ZNF407: variants seen among roughly 807,000 people sequenced by gnomAD.
ZNF407 encodes zinc finger protein 407.
A neutral mutation model predicts 131.2 loss-of-function variants in ZNF407; 17 were observed. That is an observed-to-expected ratio of 0.13 (90% confidence interval 0.09 to 0.19). The LOEUF (loss-of-function observed/expected upper bound fraction) is 0.19, where lower values mean the gene tolerates loss of function less well. Ranked by LOEUF, ZNF407 falls within the 10% of genes least tolerant of loss-of-function variation. The pLI is 1.00. For missense variants in ZNF407, 2,681 were observed against 2,830.6 expected (o/e 0.95, Z 1.20); for synonymous variants, 1,156 against 1,062.0 (o/e 1.09, Z -1.72).
chr18:74,761,301 A>G (rs2144973597), intron 3 of ZNF407, among the ~76,000 whole-genome samples: 1 of 152,166 alleles, frequency 6.6e-6, no homozygotes, highest in African/African-American at 2.4e-5. Context: ...AGACATTTTT[A>G]TATTTTGTGT....
intron 7 of ZNF407, among the ~76,000 whole-genome samples, chr18:74,919,594 A>G (rs1474981375): frequency 6.6e-6 from 1 of 152,172 alleles, no homozygotes; most frequent in African/African-American, 2.4e-5. Context: ...TGAGGCCAGC[A>G]TGGTTTGTTT....
rs1984428736 is a variant in ZNF407 at position 74,635,668 on chromosome 18, A to G, written c.4649A>G (p.Asn1550Ser). The G allele has an allele frequency of 6.2e-7, 1 of 1,604,828 alleles. No individual in the cohort carries two copies. Among genetic ancestry groups the G allele is most frequent in the Non-Finnish European group, 8.5e-7 (1 of 1,174,762 alleles). The change falls in exon 2 of 9, where the codon AAC becomes AGC. Residue 1550 changes from asparagine to serine, a missense_variant. Asn to Ser is a conservative substitution (Grantham distance 46, BLOSUM62 1). Transcript: ENST00000299687. The surrounding 1 kb of genome is among the most constrained non-coding windows in gnomAD (Gnocchi z 4.7). ...TGTGGGAAGATGTGTCGAAGCAGCA[A>G]CTCGATGGCCTTCCTGGCACACATT... Reference protein sequence around the residue: ...KYCGKMCRSSNSMAFLAHIRT... With the variant: ...KYCGKMCRSSSSMAFLAHIRT...
At chr18:74,624,755 G>A (rs567795642) in intron 1 of ZNF407, among the ~76,000 whole-genome samples, 5 of 152,314 alleles carry the variant, frequency 3.3e-5, no homozygotes, top group South Asian at 2.1e-4. Flanking sequence ...GCTTTCTTAC[G>A]TGCTCGTGGT....
chr18:74,767,316 C>G (rs889836411), intron 3 of ZNF407, among the ~76,000 whole-genome samples: 1 of 152,168 alleles, frequency 6.6e-6, no homozygotes, highest in African/African-American at 2.4e-5. Context: ...CGTAATTCTT[C>G]TTAATTGATA....
chr18:74,808,348 C>T (rs1158377468), intron 4 of ZNF407, among the ~76,000 whole-genome samples: 1 of 152,058 alleles, frequency 6.6e-6, no homozygotes, highest in Non-Finnish European at 1.5e-5. Flanking sequence ...AGTATCTTTG[C>T]TCATAAAGCT....
intron 4 of ZNF407, among the ~76,000 whole-genome samples, chr18:74,876,565 AT>A (rs927438181): frequency 5.9e-5 from 9 of 151,474 alleles, no homozygotes; most frequent in East Asian, 1.9e-4. Flanking sequence ...TATTTTCAGT[AT>A]TTTTTTTTCA....
chr18:74,877,545 G>A (rs889380253), intron 5 of ZNF407, among the ~76,000 whole-genome samples, 182 bp downstream of exon 5: 1 of 152,162 alleles, frequency 6.6e-6, no homozygotes, highest in Non-Finnish European at 1.5e-5. Flanking sequence ...CAGTGAGAAG[G>A]CAATTTTAAA....
Position 74,830,805 on chromosome 18 carries a change from A to G in ZNF407, c.4878-46392A>G, listed in dbSNP as rs545164013. Among the ~76,000 whole-genome samples, 41 of 152,272 alleles carry G rather than the reference A, an allele frequency of 2.7e-4. No homozygotes were observed. The South Asian group carries it at 5.4e-3, about 20-fold the overall frequency. On this transcript the variant is annotated intron_variant, in intron 4 of 8. Transcript: ENST00000299687. ...CTTCCTTGTAGCTATTTGAAACTGT[A>G]TAATATATTATTGTTAAATGTAGTC...
intron 4 of ZNF407, among the ~76,000 whole-genome samples, chr18:74,871,849 TAC>T (rs1254666423): frequency 6.7e-6 from 1 of 149,984 alleles, no homozygotes; most frequent in Non-Finnish European, 1.5e-5. Flanking sequence ...TCATATTTAT[TAC>T]AGATTTCTTT....
intron 3 of ZNF407, among the ~76,000 whole-genome samples, chr18:74,756,269 T>C (rs1294139900): frequency 6.6e-6 from 1 of 152,164 alleles, no homozygotes; most frequent in Non-Finnish European, 1.5e-5. Context: ...CCTTCAACCT[T>C]ATTCTTTTTC....
intron 8 of ZNF407, among the ~76,000 whole-genome samples, chr18:74,953,561 C>T (rs1972240502): frequency 6.6e-6 from 1 of 152,174 alleles, no homozygotes; most frequent in Non-Finnish European, 1.5e-5. Flanking sequence ...CATGCAGCTT[C>T]CTTGAGGAGG....
chr18:74,844,144 A>T (rs568460331), intron 4 of ZNF407, among the ~76,000 whole-genome samples: 1 of 152,118 alleles, frequency 6.6e-6, no homozygotes, highest in South Asian at 2.1e-4. Flanking sequence ...GCTCCTCTAC[A>T]TGCTTGCTGA....
intron 3 of ZNF407, among the ~76,000 whole-genome samples, chr18:74,712,364 A>G (rs1475675824): frequency 6.6e-6 from 1 of 152,238 alleles, no homozygotes; most frequent in Non-Finnish European, 1.5e-5. Context: ...AAAATATAAA[A>G]TGCTATTTGA....
chr18:74,937,707 A>G (rs1391593818), intron 8 of ZNF407, among the ~76,000 whole-genome samples: 1 of 152,236 alleles, frequency 6.6e-6, no homozygotes, highest in Non-Finnish European at 1.5e-5. Context: ...AGAAGTTTTA[A>G]ATATGTCTAC....
intron 4 of ZNF407, among the ~76,000 whole-genome samples, chr18:74,862,921 C>CT (rs34268986): frequency 0.47 from 64,396 of 138,436 alleles, 16,601 homozygotes; most frequent in Non-Finnish European, 0.58. Context: ...TTATTTCTCA[C>CT]TTTTTTTTTT....
chr18:74,727,330 A>G (rs1968180725), intron 3 of ZNF407, among the ~76,000 whole-genome samples: 1 of 152,120 alleles, frequency 6.6e-6, no homozygotes, highest in African/African-American at 2.4e-5. Flanking sequence ...GTGAAGGAGT[A>G]GGAAGAGAGT....
At chr18:74,775,816 G>A (rs141131927) in intron 3 of ZNF407, among the ~76,000 whole-genome samples, 13 of 152,290 alleles carry the variant, frequency 8.5e-5, no homozygotes, top group African/African-American at 3.1e-4. Flanking sequence ...TACAGTCATG[G>A]CAGAAAGTTA....
rs545695446 is a variant in ZNF407, at chr18:74,676,236, T to C, written c.4802+35114T>C. The stretch of plus-strand genomic sequence containing the variant: ...CCTCCTGAGTAGCTGGGATTACAGA[T>C]GCATGCTGCCACGCCCGGCTAATTT... On this transcript the variant is annotated intron_variant, in intron 3 of 8. Transcript: ENST00000299687. Among the ~76,000 whole-genome samples the C allele has an allele frequency of 1.5e-3, 222 of 151,318 alleles. 1 individual carries two copies. The highest frequency in any genetic ancestry group is 3.8e-3 in the African/African-American group (157 of 41,248).
In ZNF407 at chr18:74,617,596, T is replaced by G. The variant is rs960145494; in HGVS notation, c.-53-13371T>G. On this transcript the variant is annotated intron_variant, in intron 1 of 8. Coordinates refer to ENST00000299687, the MANE Select transcript of ZNF407 (RefSeq NM_017757.3). The stretch of plus-strand genomic sequence containing the variant: ...ACATTCCTCTTTTTGTATTGTCCAC[T>G]GTTTCCTCTTCATTAGCTGGAGGTT... Among the ~76,000 whole-genome samples, 49 of 152,320 alleles carry G rather than the reference T, an allele frequency of 3.2e-4. 1 individual carries two copies. The highest frequency in any genetic ancestry group is 8.9e-4 in the African/African-American group (37 of 41,556).
Sources: allele counts gnomAD v4.1 joint callset (sites outside exome capture counted in the v4.1 genomes callset), GRCh38; gene constraint gnomAD v4.1.1; non-coding constraint Gnocchi (gnomAD v3.1); transcripts MANE v1.5; gene names NCBI Gene and HGNC (gene_info 2026-07-23, HGNC 2026-07-21).